Variants in GTF2IRD1 observed in about 807,000 individuals in gnomAD.
GTF2IRD1 encodes the protein GTF2I repeat domain containing 1, also known as general transcription factor II-I repeat domain-containing protein 1.
A neutral mutation model predicts 113.2 loss-of-function variants in GTF2IRD1; 26 were observed. The ratio of observed to expected loss-of-function variants is 0.23; its 90% confidence interval spans 0.17 to 0.32. GTF2IRD1 has a LOEUF of 0.32. Among genes scored for constraint, GTF2IRD1 ranks in the 10% least tolerant of loss-of-function variants. The probability of loss-of-function intolerance (pLI) is 1.00; values close to 1 mark genes in which losing one functional copy is unlikely to be tolerated. For missense variants in GTF2IRD1, 864 were observed against 1,280.8 expected, an observed-to-expected ratio of 0.67 and a Z score of 4.97; for synonymous variants, 484 against 529.1, an observed-to-expected ratio of 0.91 and a Z score of 1.17.
At chr7:74,558,834 G>A (rs587729764) in intron 20 of GTF2IRD1, 27 bp from the exon 21 acceptor site, 26 of 1,594,390 alleles carry the variant, frequency 1.6e-5, no homozygotes, top group African/African-American at 2.7e-5. Flanking sequence ...CACTCCTGAC[G>A]GGCAGGACCC....
chr7:74,463,870 C>T (rs1013821084), intron 1 of GTF2IRD1, among the ~76,000 whole-genome samples: 7 of 152,082 alleles, frequency 4.6e-5, no homozygotes, highest in South Asian at 2.1e-4. Context: ...ATCACAGGTG[C>T]GTGCCACCAC....
At chr7:74,469,190 G>A (rs782261603) in intron 1 of GTF2IRD1, among the ~76,000 whole-genome samples, 5 of 152,114 alleles carry the variant, frequency 3.3e-5, no homozygotes, top group Non-Finnish European at 7.4e-5. Context: ...TGGAGGCTGG[G>A]GTAGGAGCGT....
chr7:74,558,356 TTTTTTTTTTTTTTTTTTTTTTGA>T (rs1426009509), intron 20 of GTF2IRD1, among the ~76,000 whole-genome samples: 1 of 110,178 alleles, frequency 9.1e-6, no homozygotes, highest in Non-Finnish European at 1.9e-5. Context: ...TCTTTTTTTT[TTTTTTTTTTTTTTTTTTTTTTGA>T]GACAGGGTCT....
intron 1 of GTF2IRD1, among the ~76,000 whole-genome samples, chr7:74,462,576 C>T (rs2095521448): frequency 6.6e-6 from 1 of 152,218 alleles, no homozygotes; most frequent in Non-Finnish European, 1.5e-5. Context: ...CCACTCTCCT[C>T]TCTAGGGAAA....
chr7:74,579,787 A>G (rs587689870), intron 22 of GTF2IRD1, among the ~76,000 whole-genome samples: 1 of 152,216 alleles, frequency 6.6e-6, no homozygotes, highest in Admixed American at 6.6e-5. Context: ...TATGTTGCCC[A>G]GGCTACATTT....
chr7:74,528,750 GATGGATGA>G (rs1467594387), intron 8 of GTF2IRD1, among the ~76,000 whole-genome samples: 96 of 120,654 alleles, frequency 8.0e-4, no homozygotes, highest in African/African-American at 2.3e-3. Flanking sequence ...TGGATGGATG[GATGGATGA>G]ATGGATGGAT....
rs782591409 is a variant in GTF2IRD1, at chr7:74,545,818, G to GA, written c.1732+11dup. ...CTTCAACACACGATACGGTGAGCAA[G>GA]AAGTGGGACAGGGTCTGGGGGCATC... On this transcript the variant is annotated intron_variant, in intron 16 of 26. Transcript: ENST00000424337. 6.2e-7 allele frequency: 1 copy of GA among 1,608,224 alleles called. No individual in the cohort carries two copies. The highest frequency in any genetic ancestry group is 1.3e-5 in the African/African-American group (1 of 74,936).
Position 74,512,826 on chromosome 7 carries a change from A to G in GTF2IRD1, c.124-4A>G. The G allele has an allele frequency of 1.2e-6, 2 of 1,613,516 alleles. No individual in the cohort carries two copies. The highest frequency in any genetic ancestry group is 1.7e-6 in the Non-Finnish European group (2 of 1,179,788). On this transcript the variant is annotated splice_region_variant and splice_polypyrimidine_tract_variant and intron_variant, in intron 2 of 26. Coordinates refer to ENST00000424337, the MANE Select transcript of GTF2IRD1 (RefSeq NM_005685.4). This position sits in a 1 kb window ranked among gnomAD's most constrained non-coding sequence, Gnocchi z 4.4. Reference sequence around the variant, plus strand: ...TCCGCTCACACAGCCTGCCCTTCCCACAGTGCTCAGCGCTGTCCAAACTGA... The same window carrying G: ...TCCGCTCACACAGCCTGCCCTTCCCGCAGTGCTCAGCGCTGTCCAAACTGA...
At chr7:74,536,070 G>C in intron 10 of GTF2IRD1, 97 bp from the exon 11 acceptor site, 1 of 779,056 alleles carries the variant, frequency 1.3e-6, no homozygotes, top group Non-Finnish European at 2.2e-6. Context: ...CTATCCCCGG[G>C]ATTCCCCCAG....
chr7:74,542,769 G>A (rs587684052), intron 14 of GTF2IRD1, among the ~76,000 whole-genome samples: 1 of 152,352 alleles, frequency 6.6e-6, no homozygotes, highest in South Asian at 2.1e-4. Context: ...TGCCCAGCTG[G>A]GTTTGCAGTG....
chr7:74,475,966 G>A (rs1352777919), intron 1 of GTF2IRD1, among the ~76,000 whole-genome samples: 4 of 152,192 alleles, frequency 2.6e-5, no homozygotes, highest in Non-Finnish European at 4.4e-5. Context: ...ATGGGCTGGC[G>A]GCACCCACTG....
chr7:74,480,787 A>G (rs1794697327), intron 1 of GTF2IRD1, among the ~76,000 whole-genome samples: 1 of 152,078 alleles, frequency 6.6e-6, no homozygotes, highest in African/African-American at 2.4e-5. Context: ...GACGGGAGAG[A>G]AATGGAGAAA....
At chr7:74,548,658 A>C (rs1257282879) in intron 17 of GTF2IRD1, among the ~76,000 whole-genome samples, 1 of 152,008 alleles carries the variant, frequency 6.6e-6, no homozygotes, top group Non-Finnish European at 1.5e-5. Context: ...AGTCTCAGCT[A>C]CTCAGGAGGC....
chr7:74,554,217 C>T (rs1235964271), intron 17 of GTF2IRD1, among the ~76,000 whole-genome samples: 1 of 152,188 alleles, frequency 6.6e-6, no homozygotes, highest in Non-Finnish European at 1.5e-5. Flanking sequence ...CCCCCGACAG[C>T]CCCCTTCTGG....
chr7:74,517,818 C>T (rs1797038037), intron 4 of GTF2IRD1, among the ~76,000 whole-genome samples: 1 of 140,062 alleles, frequency 7.1e-6, no homozygotes, highest in African/African-American at 3.0e-5. Flanking sequence ...TCTGCTCTGT[C>T]CTCTGGGCCC....
rs1460016110 is a variant in GTF2IRD1, at chr7:74,560,436, T to TA, written c.2320+788dup. On this transcript the variant is annotated intron_variant, in intron 22 of 26. Coordinates refer to ENST00000424337, the MANE Select transcript of GTF2IRD1 (RefSeq NM_005685.4). ...GTGCAGTGCCTCTCCTGACCCTTTT[T>TA]AAAAAAATATTTTATATATATAATA... is the stretch of plus-strand genomic sequence containing the variant. Among the ~76,000 whole-genome samples, 5 of 147,614 alleles carry TA rather than the reference T, an allele frequency of 3.4e-5. No homozygotes were observed. In the East Asian group the frequency reaches 7.8e-4, roughly 23 times the overall value.
intron 1 of GTF2IRD1, chr7:74,507,726 G>T: frequency 4.5e-6 from 1 of 222,434 alleles, no homozygotes; most frequent in Non-Finnish European, 9.0e-6. Flanking sequence ...GGGCAGTAGG[G>T]AGCCATGGAG....
At chr7:74,533,972 T>C (rs1292148373) in intron 9 of GTF2IRD1, among the ~76,000 whole-genome samples, 2 of 150,294 alleles carry the variant, frequency 1.3e-5, no homozygotes, top group African/African-American at 4.9e-5. Flanking sequence ...AAGTCTGCAG[T>C]GAGCTATGAT....
Position 74,602,414 on chromosome 7 carries a change from C to T in GTF2IRD1, c.2816C>T (p.Pro939Leu), listed in dbSNP as rs373017607. The T allele has an allele frequency of 3.7e-6, 6 of 1,613,436 alleles. No individual in the cohort carries two copies. The highest frequency in any genetic ancestry group is 4.5e-5 in the East Asian group (2 of 44,882). ...TATGCCGGCCTGAACGTGCAGCTCC[C>T]GGGACCTCTTAATTACTAGACCTCA... ...VDYAGLNVQL[P>L]GPLNY Residue 939 changes from proline to leucine, a missense_variant, in exon 27 of 27, where the codon CCG (proline) becomes CTG (leucine). Pro to Leu is a moderately conservative substitution (Grantham distance 98). Transcript: ENST00000424337.
Sources: allele counts gnomAD v4.1 joint callset (sites outside exome capture counted in the v4.1 genomes callset), GRCh38; gene constraint gnomAD v4.1.1; non-coding constraint Gnocchi (gnomAD v3.1); transcripts MANE v1.5; gene names NCBI Gene and HGNC (gene_info 2026-07-23, HGNC 2026-07-21).